EDIL3: variants seen among roughly 807,000 people sequenced by gnomAD.
EDIL3 encodes the protein EGF like and discoidin domains 3.
Under a neutral mutation model 67.4 loss-of-function variants are expected in EDIL3, and 37 were observed. That is an observed-to-expected ratio of 0.55 (90% CI 0.42 to 0.72). The LOEUF is 0.72. EDIL3 is among the 30% of genes least tolerant of loss of function. The pLI, the probability that EDIL3 is intolerant of heterozygous loss-of-function variation, is 0.00. For missense variants in EDIL3, 527 were observed against 586.3 expected, an observed-to-expected ratio of 0.90 and a Z score of 1.04; for synonymous variants, 195 against 196.3, an observed-to-expected ratio of 0.99 and a Z score of 0.05.
At chr5:84,189,316 T>C (rs1249684672) in intron 3 of EDIL3, among the ~76,000 whole-genome samples, 1 of 151,840 alleles carries the variant, frequency 6.6e-6, no homozygotes, top group Non-Finnish European at 1.5e-5. Flanking sequence ...GAAGATTTCC[T>C]GGGGTTAATC....
At chr5:84,341,845 C>G (rs930364302) in intron 1 of EDIL3, among the ~76,000 whole-genome samples, 1 of 151,924 alleles carries the variant, frequency 6.6e-6, no homozygotes, top group East Asian at 1.9e-4. Context: ...CCTGAATGTC[C>G]CTATGTTTTA....
At chr5:84,216,638 T>A (rs1330027060) in intron 3 of EDIL3, among the ~76,000 whole-genome samples, 1 of 152,210 alleles carries the variant, frequency 6.6e-6, no homozygotes, top group Admixed American at 6.5e-5. Flanking sequence ...ATATGCAGCA[T>A]TTGGCAGTAT....
intron 4 of EDIL3, among the ~76,000 whole-genome samples, chr5:84,153,484 G>A (rs1267705303): frequency 2.6e-5 from 4 of 151,672 alleles, no homozygotes; most frequent in Admixed American, 6.6e-5. Context: ...TAATAGAGAC[G>A]GGGTTTCACC....
rs546483777 is a variant in EDIL3 at position 84,028,452 on chromosome 5, C to G, written c.1137+31848G>C. ...TAGAATCAGACATGTAAACTTAAGTCTTGATTCTACCATACGTTAGTCATA... is the reference window on the plus strand; with the variant it reads ...TAGAATCAGACATGTAAACTTAAGTGTTGATTCTACCATACGTTAGTCATA... On this transcript the variant is annotated intron_variant, in intron 9 of 10. Coordinates refer to ENST00000296591, the MANE Select transcript of EDIL3 (RefSeq NM_005711.5). 2.6e-5 allele frequency among the ~76,000 whole-genome samples: 4 copies of G among 152,186 alleles called. No individual in the cohort carries two copies. The South Asian group carries it at 8.3e-4, about 32-fold the overall frequency.
intron 1 of EDIL3, among the ~76,000 whole-genome samples, chr5:84,332,856 G>A (rs1412342504): frequency 6.6e-6 from 1 of 152,102 alleles, no homozygotes; most frequent in African/African-American, 2.4e-5. Context: ...TATCATAATA[G>A]GTCCCCACTT....
intron 9 of EDIL3, among the ~76,000 whole-genome samples, chr5:84,036,299 C>G (rs985233274): frequency 6.6e-6 from 1 of 152,140 alleles, no homozygotes; most frequent in African/African-American, 2.4e-5. Context: ...TAGATTAGAT[C>G]TTAATAAGAT....
intron 6 of EDIL3, among the ~76,000 whole-genome samples, chr5:84,068,360 G>A (rs1300913093): frequency 6.6e-6 from 1 of 151,976 alleles, no homozygotes; most frequent in Non-Finnish European, 1.5e-5. Flanking sequence ...TGATGTTGCT[G>A]AACATTCCTT....
chr5:84,312,353 C>T (rs1746417883), intron 1 of EDIL3, among the ~76,000 whole-genome samples: 1 of 146,252 alleles, frequency 6.8e-6, no homozygotes, highest in African/African-American at 2.5e-5. Flanking sequence ...CCACCTCCCT[C>T]CCGGACGGGG....
At chr5:83,959,187 G>C (rs1487235833) in intron 10 of EDIL3, among the ~76,000 whole-genome samples, 1 of 148,398 alleles carries the variant, frequency 6.7e-6, no homozygotes, top group Admixed American at 6.8e-5. Flanking sequence ...TCCTGTGTGT[G>C]TGTGGGTGTG....
At chr5:84,258,728 C>T (rs1388335626) in intron 1 of EDIL3, among the ~76,000 whole-genome samples, 1 of 152,068 alleles carries the variant, frequency 6.6e-6, no homozygotes, top group Non-Finnish European at 1.5e-5. Context: ...TTCCTTTATA[C>T]GGCCATAATC....
intron 9 of EDIL3, among the ~76,000 whole-genome samples, chr5:83,998,546 G>C (rs147461003): frequency 0.012 from 1,856 of 152,262 alleles, 35 homozygotes; most frequent in African/African-American, 0.042. Flanking sequence ...ACTCCTGCTT[G>C]AGGGAAGGAG....
At chr5:84,187,290 A>G (rs375751599) in intron 3 of EDIL3, among the ~76,000 whole-genome samples, 1 of 152,070 alleles carries the variant, frequency 6.6e-6, no homozygotes, top group Non-Finnish European at 1.5e-5. Flanking sequence ...TTCTGCATCT[A>G]TCTCCTCACA....
chr5:84,064,967 A>G, intron 7 of EDIL3, 123 bp from the exon 8 acceptor site: 9 of 1,271,718 alleles, frequency 7.1e-6, no homozygotes, highest in Non-Finnish European at 9.3e-6. Flanking sequence ...ATTTGGGAGC[A>G]TGGAGCATTT....
chr5:84,147,898 A>T (rs1395856221), intron 4 of EDIL3, among the ~76,000 whole-genome samples: 1 of 152,126 alleles, frequency 6.6e-6, no homozygotes, highest in Non-Finnish European at 1.5e-5. Flanking sequence ...CAACTATTAT[A>T]CACAGATACA....
chr5:84,352,139 C>A (rs150753503), intron 1 of EDIL3, among the ~76,000 whole-genome samples: 1 of 151,892 alleles, frequency 6.6e-6, no homozygotes, highest in Non-Finnish European at 1.5e-5. Flanking sequence ...AAAAAAACAA[C>A]AGATGTTGGT....
At chr5:84,134,983 T>G (rs181995646) in intron 5 of EDIL3, among the ~76,000 whole-genome samples, 1 of 152,180 alleles carries the variant, frequency 6.6e-6, no homozygotes, top group African/African-American at 2.4e-5. Flanking sequence ...CATGAAAAAC[T>G]GGTTGGAAGA....
At chr5:84,141,912 TATATATATATACAC>T (rs1459318637) in intron 4 of EDIL3, among the ~76,000 whole-genome samples, 3 of 104,308 alleles carry the variant, frequency 2.9e-5, no homozygotes, top group Admixed American at 1.2e-4. Context: ...TACTCATATA[TATATATATATACAC>T]ATATATATAT....
At chr5:84,319,496 A>AAAAAAAAAAAAAAAAAAAAAAAAAAAAAG (rs1746585991) in intron 1 of EDIL3, among the ~76,000 whole-genome samples, 1 of 6,800 alleles carries the variant, frequency 1.5e-4, no homozygotes, top group Non-Finnish European at 3.9e-4. Context: ...AAAAACAACA[A>AAAAAAAAAAAAAAAAAAAAAAAAAAAAAG]AAAAAAAAAA....
At chr5:83,960,478 T>C (rs989716858) in intron 10 of EDIL3, among the ~76,000 whole-genome samples, 1 of 151,074 alleles carries the variant, frequency 6.6e-6, no homozygotes, top group Non-Finnish European at 1.5e-5. Context: ...TATGCATGTA[T>C]TAAAATATCA....
Sources: gnomAD v4.1 joint callset for allele counts (sites outside exome capture counted in the v4.1 genomes callset) on GRCh38, gnomAD v4.1.1 for gene constraint, MANE v1.5 for transcripts, NCBI Gene and HGNC (gene_info 2026-07-23, HGNC 2026-07-21) for gene names.